GLIS3: variants seen among roughly 807,000 people sequenced by gnomAD.
GLIS3 encodes the protein zinc finger protein GLIS3.
In GLIS3, 53 loss-of-function variants were observed where a neutral mutation model predicts 78.6. That is an observed-to-expected ratio of 0.67 (90% CI 0.54 to 0.85). GLIS3 has a LOEUF of 0.85. Ranked by LOEUF, GLIS3 falls within the 40% of genes least tolerant of loss-of-function variation. GLIS3 has a pLI of 0.00. For missense variants in GLIS3, 1,703 were observed against 1,231.1 expected, an observed-to-expected ratio of 1.38 and a Z score of -5.74; for synonymous variants, 684 against 509.9, an observed-to-expected ratio of 1.34 and a Z score of -4.60.
At chr9:4,023,181 G>A (rs980071223) in intron 4 of GLIS3, among the ~76,000 whole-genome samples, 41 of 152,084 alleles carry the variant, frequency 2.7e-4, no homozygotes, top group Admixed American at 1.4e-3. Context: ...TTTTTTAAGT[G>A]GCCAGTCCTT....
At chr9:4,029,376 G>C (rs552753834) in intron 4 of GLIS3, among the ~76,000 whole-genome samples, 1 of 152,012 alleles carries the variant, frequency 6.6e-6, no homozygotes, top group East Asian at 1.9e-4. Flanking sequence ...GAGATGCGTT[G>C]ATACAGGGAT....
At chr9:4,384,478 TTTTCTC>T in the GLIS3 span, among the ~76,000 whole-genome samples, 2 of 151,800 alleles carry the variant, frequency 1.3e-5, no homozygotes, top group Non-Finnish European at 2.9e-5. Context: ...AATTGTTTCT[TTTTCTC>T]TTTCTTTCTC....
chr9:4,307,929 G>A (rs969966069), intron 4 of GLIS3, among the ~76,000 whole-genome samples: 2 of 152,102 alleles, frequency 1.3e-5, no homozygotes, highest in Non-Finnish European at 2.9e-5. Context: ...ATAGAATTGC[G>A]GGTTGTTTAG....
intron 2 of GLIS3, among the ~76,000 whole-genome samples, chr9:4,232,924 G>C (rs181271696): frequency 6.6e-6 from 1 of 152,166 alleles, no homozygotes; most frequent in Non-Finnish European, 1.5e-5. Flanking sequence ...TCCAGTGGTA[G>C]AATCAGTGTA....
intron 2 of GLIS3, among the ~76,000 whole-genome samples, chr9:4,142,887 T>C (rs1056603257): frequency 3.3e-5 from 5 of 152,112 alleles, no homozygotes; most frequent in African/African-American, 1.2e-4. Flanking sequence ...CAGAGAAATT[T>C]TGAGAAATCA....
rs2038548 is a variant in GLIS3 at position 4,100,513 on chromosome 9, A to G, written c.1710+17255T>C. ...GATGTACAGTTTTTTGCATTAAGTA[A>G]AAACGTACATTTTCTGGAATAACCA... On this transcript the variant is annotated intron_variant, in intron 4 of 10. Coordinates refer to ENST00000381971, the MANE Select transcript of GLIS3 (RefSeq NM_001042413.2). 6.8e-3 allele frequency among the ~76,000 whole-genome samples: 1,032 copies of G among 152,308 alleles called. 15 individuals are homozygous for G. The highest frequency in any genetic ancestry group is 0.024 in the African/African-American group (990 of 41,558).
chr9:4,389,762 G>C, the GLIS3 span, among the ~76,000 whole-genome samples: 1 of 152,186 alleles, frequency 6.6e-6, no homozygotes, highest in African/African-American at 2.4e-5. Context: ...CAAGTGCAGT[G>C]AATAAGCAGA....
intron 4 of GLIS3, among the ~76,000 whole-genome samples, chr9:4,106,721 G>A (rs1830782421): frequency 6.6e-6 from 1 of 152,104 alleles, no homozygotes; most frequent in Non-Finnish European, 1.5e-5. Flanking sequence ...GTGTTTCAGG[G>A]TCTTAGTAAA....
chr9:4,435,914 A>G, the GLIS3 span, among the ~76,000 whole-genome samples: 2 of 152,212 alleles, frequency 1.3e-5, no homozygotes, highest in Non-Finnish European at 2.9e-5. Context: ...GTGCCACTGC[A>G]CTCCAGCCTG....
the GLIS3 span, among the ~76,000 whole-genome samples, chr9:4,471,281 A>C: frequency 6.6e-6 from 1 of 152,230 alleles, no homozygotes; most frequent in Non-Finnish European, 1.5e-5. Flanking sequence ...GAACCAAAAA[A>C]GAGCCCGCAT....
chr9:4,155,418 C>T (rs947942502), intron 2 of GLIS3, among the ~76,000 whole-genome samples: 2 of 152,194 alleles, frequency 1.3e-5, no homozygotes, highest in African/African-American at 2.4e-5. Flanking sequence ...CTGGCCGTGG[C>T]GTAGATTCTT....
At chr9:4,262,242 G>C (rs1825600032) in intron 2 of GLIS3, among the ~76,000 whole-genome samples, 1 of 152,206 alleles carries the variant, frequency 6.6e-6, no homozygotes, top group Non-Finnish European at 1.5e-5. Context: ...CATTTCTTGA[G>C]GCCCCCAACA....
chr9:4,015,245 G>A (rs1822341123), intron 4 of GLIS3, among the ~76,000 whole-genome samples: 1 of 152,118 alleles, frequency 6.6e-6, no homozygotes, highest in African/African-American at 2.4e-5. Flanking sequence ...GTGTTTGAGG[G>A]GATAAATTGG....
chr9:4,143,283 T>C (rs966978723), intron 2 of GLIS3, among the ~76,000 whole-genome samples: 19 of 152,092 alleles, frequency 1.2e-4, no homozygotes, highest in African/African-American at 3.9e-4. Context: ...ATCTACTCTC[T>C]TGGCCGGGCA....
chr9:4,201,941 G>T (rs955776212), intron 2 of GLIS3, among the ~76,000 whole-genome samples: 2 of 152,050 alleles, frequency 1.3e-5, no homozygotes, highest in Admixed American at 1.3e-4. Flanking sequence ...TTCGAGACCA[G>T]CCTGGCCAGT....
chr9:3,971,444 T>C (rs1320602168), intron 4 of GLIS3, among the ~76,000 whole-genome samples: 4 of 152,204 alleles, frequency 2.6e-5, no homozygotes, highest in Admixed American at 1.3e-4. Context: ...AAATGGTATT[T>C]TTCAGAAATG....
At chr9:3,906,127 A>G (rs550316540) in intron 6 of GLIS3, among the ~76,000 whole-genome samples, 1 of 152,350 alleles carries the variant, frequency 6.6e-6, no homozygotes, top group South Asian at 2.1e-4. Flanking sequence ...GGCTGGACAA[A>G]TTGCCAGAGG....
chr9:4,395,012 A>T, the GLIS3 span, among the ~76,000 whole-genome samples: 1 of 152,230 alleles, frequency 6.6e-6, no homozygotes, highest in African/African-American at 2.4e-5. Flanking sequence ...GCTGATTTAA[A>T]AATTCGGAAC....
At chr9:4,367,147 G>A in the GLIS3 span, among the ~76,000 whole-genome samples, 18 of 152,318 alleles carry the variant, frequency 1.2e-4, no homozygotes, top group African/African-American at 4.3e-4. Context: ...ATCCTCCACT[G>A]CCTTTGAAAT....
Sources: gnomAD v4.1 joint callset for allele counts (sites outside exome capture counted in the v4.1 genomes callset) on GRCh38, gnomAD v4.1.1 for gene constraint, MANE v1.5 for transcripts, NCBI Gene and HGNC (gene_info 2026-07-23, HGNC 2026-07-21) for gene names.